Variants in BBX observed in about 807,000 individuals in gnomAD.
BBX encodes the protein BBX high mobility group box domain containing.
BBX carries 30 observed loss-of-function variants against 100.2 expected under a neutral mutation model. The observed-to-expected ratio is 0.30, with a 90% CI of 0.22 to 0.41. The LOEUF (loss-of-function observed/expected upper bound fraction) is 0.41, where lower values mean the gene tolerates loss of function less well. Ranked by LOEUF, BBX falls within the 10% of genes least tolerant of loss-of-function variation. The pLI is 1.00. For synonymous variants in BBX, 376 were observed against 388.1 expected, an observed-to-expected ratio of 0.97 and a Z score of 0.37; for missense variants, 1,023 against 1,129.8, an observed-to-expected ratio of 0.91 and a Z score of 1.35.
chr3:107,766,327 A>G (rs938098959), intron 10 of BBX, among the ~76,000 whole-genome samples: 1 of 152,230 alleles, frequency 6.6e-6, no homozygotes, highest in Non-Finnish European at 1.5e-5. Flanking sequence ...AAATACAAAA[A>G]TACAAAAGTA....
chr3:107,541,235 G>T (rs1279298441), intron 2 of BBX, among the ~76,000 whole-genome samples: 3 of 152,166 alleles, frequency 2.0e-5, no homozygotes, highest in African/African-American at 7.2e-5. Flanking sequence ...TATTGAGTTT[G>T]CAGTGGCTCC....
intron 2 of BBX, among the ~76,000 whole-genome samples, chr3:107,590,667 T>C (rs1250747857): frequency 6.6e-6 from 1 of 152,218 alleles, no homozygotes; most frequent in Non-Finnish European, 1.5e-5. Context: ...ATCCCTCTCT[T>C]ATTTCTTTAA....
chr3:107,597,563 A>T (rs1246375421), intron 2 of BBX, among the ~76,000 whole-genome samples: 2 of 152,090 alleles, frequency 1.3e-5, no homozygotes, highest in Non-Finnish European at 2.9e-5. Flanking sequence ...ATTCTTTTTA[A>T]ATATATACAC....
rs535320579 is a variant in BBX, at chr3:107,760,227, A to G, written c.906+4549A>G. On this transcript the variant is annotated intron_variant, in intron 10 of 17. Transcript: ENST00000325805. ...TTCTTTCACCTTGTTTTAGATGAAT[A>G]TAAAAGACTGTGCAAGTTGCTTGTT... Among the ~76,000 whole-genome samples the G allele has an allele frequency of 3.3e-5, 5 of 152,356 alleles. No homozygotes were observed. The South Asian group carries it at 6.2e-4, about 19-fold the overall frequency.
At chr3:107,771,309 A>G (rs2066890222) in intron 10 of BBX, among the ~76,000 whole-genome samples, 1 of 152,160 alleles carries the variant, frequency 6.6e-6, no homozygotes, top group Admixed American at 6.6e-5. Context: ...TAAATTTCCC[A>G]TTTTAAAAAA....
At chr3:107,751,677 G>T (rs892740774) in intron 9 of BBX, among the ~76,000 whole-genome samples, 1 of 152,012 alleles carries the variant, frequency 6.6e-6, no homozygotes, top group African/African-American at 2.4e-5. Context: ...TTGTTTGTAG[G>T]TGCCTCATAA....
intron 2 of BBX, among the ~76,000 whole-genome samples, chr3:107,607,216 C>T (rs2054515009): frequency 6.6e-6 from 1 of 152,122 alleles, no homozygotes; most frequent in Non-Finnish European, 1.5e-5. Flanking sequence ...CCTGCCTCAG[C>T]CTCCCGAGTA....
At chr3:107,554,338 A>G (rs2049921533) in intron 2 of BBX, among the ~76,000 whole-genome samples, 1 of 152,200 alleles carries the variant, frequency 6.6e-6, no homozygotes, top group South Asian at 2.1e-4. Context: ...TATGTGTAGA[A>G]TGGTCTGTTT....
intron 3 of BBX, among the ~76,000 whole-genome samples, chr3:107,691,924 T>C (rs1189261034): frequency 1.3e-5 from 2 of 152,140 alleles, no homozygotes; most frequent in East Asian, 1.9e-4. Context: ...TTTTTTGCTT[T>C]TGAGAAAAAT....
intron 3 of BBX, among the ~76,000 whole-genome samples, chr3:107,682,876 A>G (rs1251234653): frequency 6.6e-6 from 1 of 152,190 alleles, no homozygotes; most frequent in African/African-American, 2.4e-5. Context: ...ATCACTTTCC[A>G]CTGCAGCATA....
chr3:107,730,009 TC>T (rs2063208481), intron 6 of BBX, among the ~76,000 whole-genome samples: 1 of 152,020 alleles, frequency 6.6e-6, no homozygotes, highest in African/African-American at 2.4e-5. Context: ...ATCACTTGAG[TC>T]CAGGAGTTCG....
intron 2 of BBX, among the ~76,000 whole-genome samples, chr3:107,612,984 T>A (rs1183829940): frequency 6.6e-6 from 1 of 151,860 alleles, no homozygotes; most frequent in Non-Finnish European, 1.5e-5. Flanking sequence ...CACTCTTCCC[T>A]CCCCTTTCCC....
In BBX at chr3:107,769,210, ATAGATAGATAGATAGATAG is replaced by A. The variant is rs1576717712; in HGVS notation, c.907-3417_907-3399del. 4.9e-5 allele frequency among the ~76,000 whole-genome samples: 7 copies of A among 141,782 alleles called. No individual in the cohort carries two copies. In the East Asian group the frequency reaches 1.5e-3, roughly 30 times the overall value. The allele number at this position is 141,782 out of a possible 152,430, so 93.0% of individuals were successfully genotyped here. On this transcript the variant is annotated intron_variant, in intron 10 of 17. Coordinates refer to ENST00000325805, the MANE Select transcript of BBX (RefSeq NM_001142568.3). ...GATAGATAGATAGATAGATAGATAG[ATAGATAGATAGATAGATAG>A]ACAGATAGATAGGATAGATAGATAA...
At chr3:107,796,348 C>A (rs918408427) in intron 15 of BBX, among the ~76,000 whole-genome samples, 1 of 152,212 alleles carries the variant, frequency 6.6e-6, no homozygotes, top group African/African-American at 2.4e-5. Flanking sequence ...ACCTTTCCAT[C>A]TTTGGAACCC....
At chr3:107,703,311 T>A (rs2061196115) in intron 3 of BBX, among the ~76,000 whole-genome samples, 1 of 152,220 alleles carries the variant, frequency 6.6e-6, no homozygotes, top group African/African-American at 2.4e-5. Context: ...CCTAGCTTGC[T>A]ACTGACTTCT....
intron 2 of BBX, among the ~76,000 whole-genome samples, chr3:107,580,409 T>C (rs1576376477): frequency 6.6e-6 from 1 of 152,182 alleles, no homozygotes; most frequent in East Asian, 1.9e-4. Flanking sequence ...TTCAGTATTA[T>C]TATACAAGCA....
At chr3:107,550,895 C>G (rs574372159) in intron 2 of BBX, among the ~76,000 whole-genome samples, 1 of 152,274 alleles carries the variant, frequency 6.6e-6, no homozygotes, top group South Asian at 2.1e-4. Flanking sequence ...GAATTGACAG[C>G]ACACTAAAGT....
Position 107,720,080 on chromosome 3 carries a change from G to A in BBX, c.405+3231G>A, listed in dbSNP as rs146087408. On this transcript the variant is annotated intron_variant, in intron 5 of 17. Coordinates refer to ENST00000325805, the MANE Select transcript of BBX (RefSeq NM_001142568.3). Reference sequence around the variant, plus strand: ...TTATTGATTGATTGGTCCTTTTTGTGCTTAGCATATAAAGTAAGCACCAAC... The same window carrying A: ...TTATTGATTGATTGGTCCTTTTTGTACTTAGCATATAAAGTAAGCACCAAC... Among the ~76,000 whole-genome samples, 1,067 of 152,036 alleles carry A rather than the reference G, an allele frequency of 7.0e-3. 8 individuals are homozygous for A. Among genetic ancestry groups the A allele is most frequent in the South Asian group, 0.014 (67 of 4,818 alleles).
chr3:107,784,981 A>T (rs1469214690), intron 13 of BBX, among the ~76,000 whole-genome samples: 2 of 151,848 alleles, frequency 1.3e-5, no homozygotes, highest in Non-Finnish European at 2.9e-5. Context: ...AATAGAAGAC[A>T]TTACTACTGG....
Sources: gnomAD v4.1 joint callset for allele counts (sites outside exome capture counted in the v4.1 genomes callset) on GRCh38, gnomAD v4.1.1 for gene constraint, MANE v1.5 for transcripts, NCBI Gene and HGNC (gene_info 2026-07-23, HGNC 2026-07-21) for gene names.